FUT8: variants seen among roughly 807,000 people sequenced by gnomAD.
FUT8 encodes the protein fucosyltransferase 8, also known as alpha-(1,6)-fucosyltransferase.
FUT8 carries 29 observed loss-of-function variants against 71.3 expected under a neutral mutation model. That is an observed-to-expected ratio of 0.41 (90% confidence interval 0.30 to 0.55). The LOEUF (loss-of-function observed/expected upper bound fraction) is 0.55. Ranked by LOEUF, FUT8 falls within the 20% of genes least tolerant of loss-of-function variation. FUT8 has a pLI of 0.34. For missense variants in FUT8, 544 were observed against 702.1 expected, an observed-to-expected ratio of 0.77 and a Z score of 2.55; for synonymous variants, 254 against 239.3, an observed-to-expected ratio of 1.06 and a Z score of -0.57.
chr14:65,738,546 A>G (rs1439831759), intron 10 of FUT8, among the ~76,000 whole-genome samples: 1 of 152,104 alleles, frequency 6.6e-6, no homozygotes, highest in African/African-American at 2.4e-5. Context: ...ATAAAGTTAA[A>G]CATACTACAT....
At chr14:65,439,954 G>GTGTGTGTGTGTGTATA in intron 1 of FUT8, among the ~76,000 whole-genome samples, 3 of 74,984 alleles carry the variant, frequency 4.0e-5, no homozygotes, top group African/African-American at 1.5e-4. Context: ...GTGTGTGTGT[G>GTGTGTGTGTGTGTATA]TATATATATA....
At chr14:65,492,255 G>A (rs942575491) in intron 2 of FUT8, among the ~76,000 whole-genome samples, 4 of 152,116 alleles carry the variant, frequency 2.6e-5, no homozygotes, top group African/African-American at 9.7e-5. Context: ...ATCAAGTTTA[G>A]CCGAAAGCTG....
intron 1 of FUT8, among the ~76,000 whole-genome samples, chr14:65,453,258 C>A (rs947826831): frequency 6.6e-6 from 1 of 151,884 alleles, no homozygotes; most frequent in African/African-American, 2.4e-5. Flanking sequence ...CCTGTTGCAA[C>A]TTCTTGAGTA....
chr14:65,605,636 C>T (rs1888542673), intron 3 of FUT8, among the ~76,000 whole-genome samples: 1 of 152,024 alleles, frequency 6.6e-6, no homozygotes, highest in Non-Finnish European at 1.5e-5. Flanking sequence ...TCATGGACTT[C>T]TAGCCTCCAG....
intron 2 of FUT8, among the ~76,000 whole-genome samples, chr14:65,514,471 G>C (rs923976271): frequency 2.0e-5 from 3 of 152,188 alleles, no homozygotes; most frequent in Non-Finnish European, 2.9e-5. Context: ...AGTTAACAAT[G>C]TACGTATGTA....
chr14:65,712,503 G>GGCAT, intron 7 of FUT8, among the ~76,000 whole-genome samples: 1 of 152,330 alleles, frequency 6.6e-6, no homozygotes, highest in South Asian at 2.1e-4. Flanking sequence ...GAGTGCAAAT[G>GGCAT]GCATGATGTC....
chr14:65,501,431 A>G (rs1480516525), intron 2 of FUT8, among the ~76,000 whole-genome samples: 2 of 152,134 alleles, frequency 1.3e-5, no homozygotes, highest in Non-Finnish European at 2.9e-5. Flanking sequence ...TGGAGGGGGT[A>G]CTTCCTGACA....
At chr14:65,481,020 A>G (rs1427030038) in intron 2 of FUT8, among the ~76,000 whole-genome samples, 1 of 151,988 alleles carries the variant, frequency 6.6e-6, no homozygotes, top group East Asian at 1.9e-4. Flanking sequence ...TTTTGAGGAG[A>G]CATCATACTG....
chr14:65,727,216 AGCTCCACTAG>A lies in FUT8; in HGVS notation c.1259+2896_1259+2905del, dbSNP rs367912236. Among the ~76,000 whole-genome samples the A allele has an allele frequency of 9.4e-3, 1,435 of 152,046 alleles. 22 individuals are homozygous for A. Among genetic ancestry groups the A allele is most frequent in the African/African-American group, 0.033 (1,367 of 41,380 alleles). ...TGGAGGATGGTGGCCCTCTTCTAAC[AGCTCCACTAG>A]GCGGTGTCCCAGTAGGGACTCTGTG... On this transcript the variant is annotated intron_variant, in intron 9 of 10. Transcript: ENST00000673929.
intron 2 of FUT8, among the ~76,000 whole-genome samples, chr14:65,482,867 T>C (rs183657691): frequency 1.1e-4 from 16 of 152,310 alleles, no homozygotes; most frequent in African/African-American, 3.6e-4. Context: ...TGTTCGTTTC[T>C]GTGTACTTGC....
intron 1 of FUT8, among the ~76,000 whole-genome samples, chr14:65,429,844 G>A (rs1212570324): frequency 1.8e-5 from 2 of 113,748 alleles, no homozygotes; most frequent in Non-Finnish European, 3.3e-5. Flanking sequence ...AGCCTGGATA[G>A]TAGAGTGAGA....
In FUT8 at chr14:65,550,387, A is replaced by G. The variant is rs1454934394; in HGVS notation, c.-227-10950A>G. 6.6e-6 allele frequency among the ~76,000 whole-genome samples: 1 copy of G among 152,196 alleles called. No individual in the cohort carries two copies. Among genetic ancestry groups the G allele is most frequent in the African/African-American group, 2.4e-5 (1 of 41,468 alleles). Reference sequence around the variant, plus strand: ...CCTTAAATGTGCCCAGAACACTTATATTAGCCTACAGTTGGACAAAATCAT... The same window carrying G: ...CCTTAAATGTGCCCAGAACACTTATGTTAGCCTACAGTTGGACAAAATCAT... On this transcript the variant is annotated intron_variant, in intron 2 of 10. Transcript: ENST00000673929. The surrounding 1 kb of genome is among the most constrained non-coding windows in gnomAD (Gnocchi z 4.5).
chr14:65,651,206 AT>A (rs1380042682), intron 6 of FUT8, among the ~76,000 whole-genome samples: 1 of 152,252 alleles, frequency 6.6e-6, no homozygotes, highest in Non-Finnish European at 1.5e-5. Context: ...ACTTAAAAAA[AT>A]CTGTGTTTGA....
intron 6 of FUT8, among the ~76,000 whole-genome samples, chr14:65,665,614 C>T (rs986188537): frequency 1.6e-4 from 24 of 152,058 alleles, no homozygotes; most frequent in African/African-American, 5.1e-4. Flanking sequence ...ATCATTCTAC[C>T]GTAAAGATAC....
chr14:65,468,494 A>C (rs905959635), intron 2 of FUT8, among the ~76,000 whole-genome samples: 34 of 151,094 alleles, frequency 2.3e-4, no homozygotes, highest in African/African-American at 8.0e-4. Flanking sequence ...TCTGTGGATA[A>C]GATGTTTTCT....
the FUT8 span, among the ~76,000 whole-genome samples, chr14:65,357,768 G>A: frequency 6.6e-6 from 1 of 152,194 alleles, no homozygotes; most frequent in Non-Finnish European, 1.5e-5. Context: ...CTTGATAGAG[G>A]CAGAGTGCAA....
At chr14:65,583,738 A>G (rs1051058675) in intron 3 of FUT8, among the ~76,000 whole-genome samples, 1 of 152,002 alleles carries the variant, frequency 6.6e-6, no homozygotes, top group Admixed American at 6.6e-5. Flanking sequence ...TAGAAAGTGC[A>G]TAGAAGCTGT....
chr14:65,689,255 A>G (rs114463910), intron 7 of FUT8, among the ~76,000 whole-genome samples: 2,684 of 152,262 alleles, frequency 0.018, 78 homozygotes, highest in African/African-American at 0.061. Flanking sequence ...AGTGCCATAC[A>G]GTGTTGAGAA....
chr14:65,720,639 C>T (rs1449132351), intron 7 of FUT8, among the ~76,000 whole-genome samples: 1 of 152,136 alleles, frequency 6.6e-6, no homozygotes, highest in Non-Finnish European at 1.5e-5. Context: ...AGGTTACGTG[C>T]CCCCTAGGTC....
Sources: gnomAD v4.1 joint callset for allele counts (sites outside exome capture counted in the v4.1 genomes callset) on GRCh38, gnomAD v4.1.1 for gene constraint, Gnocchi (gnomAD v3.1) non-coding constraint, MANE v1.5 for transcripts, NCBI Gene and HGNC (gene_info 2026-07-23, HGNC 2026-07-21) for gene names.